FAT2: variants seen among roughly 807,000 people sequenced by gnomAD.
FAT2 encodes FAT atypical cadherin 2.
A neutral mutation model predicts 295.3 loss-of-function variants in FAT2; 150 were observed. The observed-to-expected ratio is 0.51, with a 90% CI of 0.44 to 0.58. The LOEUF (loss-of-function observed/expected upper bound fraction) is 0.58, where lower values mean the gene tolerates loss of function less well. FAT2 is among the 20% of genes least tolerant of loss of function. The pLI is 0.00. For missense variants in FAT2, 4,868 were observed against 5,442.7 expected (o/e 0.89, Z 3.32); for synonymous variants, 2,026 against 2,150.3 (o/e 0.94, Z 1.60).
chr5:151,537,925 G>T lies in FAT2; in HGVS notation c.9061C>A (p.His3021Asn). The T allele has an allele frequency of 6.2e-7, 1 of 1,614,140 alleles. No homozygotes were observed. Among genetic ancestry groups the T allele is most frequent in the Non-Finnish European group, 8.5e-7 (1 of 1,180,000 alleles). ...AAGTGTCCTGGAAATACATCTTCATGAACCTTGCCAGTATAGAGAAGCTAG... is the reference window on the plus strand; with the variant it reads ...AAGTGTCCTGGAAATACATCTTCATTAACCTTGCCAGTATAGAGAAGCTAG... ...CSQLLYTGKV[H>N]EDVFPGHFIL... Residue 3021 changes from histidine to asparagine, a missense_variant, in exon 12 of 24, where the codon CAT becomes AAT. His to Asn is a moderately conservative substitution (Grantham distance 68, BLOSUM62 1). Transcript: ENST00000261800.
In FAT2 at chr5:151,545,255, A is replaced by G; in HGVS notation, c.5872T>C (p.Leu1958=). The change falls in exon 10 of 24, where the codon TTG becomes CTG. Residue 1958 remains leucine, a synonymous_variant. Coordinates refer to ENST00000261800, the MANE Select transcript of FAT2 (RefSeq NM_001447.3). The stretch of plus-strand genomic sequence containing the variant: ...AAGCTTTTGTCAAGCACTTGGGTCA[A>G]AGAAATTTTTACCAGCGCAGTGTCT... ...YQDTALVKIS[L]TQVLDKSLQF... 1 of 1,614,142 alleles carries G rather than the reference A, an allele frequency of 6.2e-7. No individual in the cohort carries two copies. The highest frequency in any genetic ancestry group is 8.5e-7 in the Non-Finnish European group (1 of 1,180,018).
At chr5:151,571,380 G>A (rs969852822) in intron 1 of FAT2, among the ~76,000 whole-genome samples, 7 of 152,182 alleles carry the variant, frequency 4.6e-5, no homozygotes, top group Admixed American at 3.9e-4. Context: ...CAGGGTGCAC[G>A]CAGCCTCCCA....
At position 151,506,079 on chromosome 5, in the gene FAT2, A is replaced by G. The variant is rs771234278; in HGVS notation, c.12536T>C (p.Met4179Thr). 14 of 1,525,648 alleles carry G rather than the reference A, an allele frequency of 9.2e-6. No individual in the cohort carries two copies. The Admixed American group carries it at 1.3e-4, about 14-fold the overall frequency. 94.5% of individuals were successfully genotyped at this position (1,525,648 alleles called of 1,614,324 possible). A position where few individuals can be genotyped will look rare whatever the true frequency, so the allele number is the denominator to read the frequency against. ...SEEMVYPGGAMVWPPTYSRNE... is the reference protein window; with the variant it reads ...SEEMVYPGGATVWPPTYSRNE... ...CCTGGAGTAAGTAGGGGGCCAGACC[A>G]TGGCTCCGCCAGGGTACACTGAAAG... The change falls in exon 24 of 24, where the codon ATG becomes ACG. Residue 4179 changes from methionine (M) to threonine (T), a missense_variant. Around this residue, in one of 5 missense-constraint regions of FAT2, gnomAD observed 492 missense variants for 482.6 expected, o/e 1.02. Transcript: ENST00000261800.
rs1755025460 is a variant in FAT2 at position 151,534,567 on chromosome 5, C to T, written c.9269G>A (p.Gly3090Glu). 8 of 1,614,144 alleles carry T rather than the reference C, an allele frequency of 5.0e-6. No homozygotes were observed. In the East Asian group the frequency reaches 1.6e-4, roughly 31 times the overall value. Residue 3090 changes from glycine to glutamate, a missense_variant, in exon 13 of 24, where the codon GGA becomes GAA. Gly to Glu is a moderately conservative substitution (Grantham distance 98). Around this residue, in one of 5 missense-constraint regions of FAT2, gnomAD observed 1,046 missense variants for 1,210.1 expected, o/e 0.86. Coordinates refer to ENST00000261800, the MANE Select transcript of FAT2 (RefSeq NM_001447.3). ...GTCTGCCTGGCACGATCGGCCACCTCCATCCGTCGCCTTGGCAACAAGGTT... is the reference window on the plus strand; with the variant it reads ...GTCTGCCTGGCACGATCGGCCACCTTCATCCGTCGCCTTGGCAACAAGGTT... ...VFNLVAKATD[G>E]GGRSCQADIT...
chr5:151,579,443 G>C (rs1758862938), intron 1 of FAT2, among the ~76,000 whole-genome samples: 1 of 152,054 alleles, frequency 6.6e-6, no homozygotes, highest in South Asian at 2.1e-4. Context: ...GTGGTGATTT[G>C]CATCTGTAAT....
At chr5:151,556,322 T>C (rs752109222) in intron 4 of FAT2, 22 bp downstream of exon 4, 2 of 1,609,048 alleles carry the variant, frequency 1.2e-6, no homozygotes, top group Non-Finnish European at 1.7e-6. Flanking sequence ...TCACCACAAA[T>C]GGATTCACCA....
intron 19 of FAT2, among the ~76,000 whole-genome samples, chr5:151,518,368 A>ATTAGTATTATTATT (rs775348701): frequency 1.2e-5 from 1 of 82,382 alleles, no homozygotes; most frequent in Non-Finnish European, 2.9e-5. Context: ...TAATAATAAT[A>ATTAGTATTATTATT]ATAATAATTT....
intron 1 of FAT2, among the ~76,000 whole-genome samples, chr5:151,572,020 A>C (rs1432865): frequency 1.3e-5 from 2 of 152,062 alleles, no homozygotes; most frequent in South Asian, 4.1e-4. Flanking sequence ...CACATGAATA[A>C]TTCCTTCTTG....
intron 18 of FAT2, among the ~76,000 whole-genome samples, chr5:151,522,742 C>G (rs1406436163): frequency 6.6e-6 from 1 of 152,134 alleles, no homozygotes; most frequent in East Asian, 1.9e-4. Context: ...AGGCGACAGA[C>G]AGAGGGAGCA....
At position 151,505,280 on chromosome 5, in the gene FAT2, C is replaced by T. The variant is rs1760749739; in HGVS notation, c.*285G>A. ...CAGATCAGGGAGCCCTCCTGTCTCT[C>T]GCCCACCCCGGGAGTCAATTGTTCC... On this transcript the variant is annotated 3_prime_UTR_variant, in exon 24 of 24. Transcript: ENST00000261800. 3 of 481,640 alleles carry T rather than the reference C, an allele frequency of 6.2e-6. No individual in the cohort carries two copies. Among genetic ancestry groups the T allele is most frequent in the East Asian group, 3.9e-5 (1 of 25,518 alleles). The allele number at this position is 481,640 out of a possible 1,614,324, so 29.8% of individuals were successfully genotyped here.
intron 13 of FAT2, 76 bp from the exon 14 acceptor site, chr5:151,532,046 A>C: frequency 6.4e-7 from 1 of 1,556,666 alleles, no homozygotes; most frequent in Non-Finnish European, 8.7e-7. Flanking sequence ...CCCTGCAGCC[A>C]CAGGAGGGGC....
At chr5:151,559,935 C>T (rs1446825576) in intron 3 of FAT2, among the ~76,000 whole-genome samples, 1 of 152,198 alleles carries the variant, frequency 6.6e-6, no homozygotes, top group East Asian at 1.9e-4. Context: ...ACCCCTCTCA[C>T]CCTTCCTGGA....
At chr5:151,564,989 C>T (rs1006205876) in intron 2 of FAT2, among the ~76,000 whole-genome samples, 3 of 152,102 alleles carry the variant, frequency 2.0e-5, no homozygotes, top group East Asian at 1.9e-4. Context: ...GCAGGAGAAT[C>T]GCTTGAACTC....
In FAT2 at chr5:151,505,750, A is replaced by G. The variant is rs1760795456; in HGVS notation, c.12865T>C (p.Cys4289Arg). 9 of 1,613,572 alleles carry G rather than the reference A, an allele frequency of 5.6e-6. No homozygotes were observed. In the South Asian group the frequency reaches 9.9e-5, roughly 18 times the overall value. Residue 4289 changes from cysteine to arginine, a missense_variant, in exon 24 of 24, where the codon TGC (cysteine) becomes CGC (arginine). By Grantham distance (180) the Cys-to-Arg change is radical (BLOSUM62 -3). Transcript: ENST00000261800. ...CCCTTGTAGCCCCCGTCTGCCAGGC[A>G]GGGCCCTCCCCCTCCCTGCCGGAAC... The part of the protein sequence containing the change: ...SQFRQGGGGP[C>R]LADGGYKGVG...
intron 9 of FAT2, among the ~76,000 whole-genome samples, chr5:151,548,964 C>A (rs1333862312): frequency 2.0e-5 from 3 of 152,134 alleles, no homozygotes; most frequent in Non-Finnish European, 4.4e-5. Flanking sequence ...ATAAAGTGTT[C>A]TAAGATACAT....
At position 151,512,150 on chromosome 5, in the gene FAT2, C is replaced by A; in HGVS notation, c.11905+15G>T. Reference sequence around the variant, plus strand: ...GGGATAAACCCTGGGTTCAGCCTGGCACCCCAGCCCTCACCTGCCCCATGG... The same window carrying A: ...GGGATAAACCCTGGGTTCAGCCTGGAACCCCAGCCCTCACCTGCCCCATGG... On this transcript the variant is annotated intron_variant, in intron 21 of 23. Transcript: ENST00000261800. This position sits in a 1 kb window ranked among gnomAD's most constrained non-coding sequence, Gnocchi z 4.1. 6.2e-7 allele frequency: 1 copy of A among 1,603,580 alleles called. No individual in the cohort carries two copies. The highest frequency in any genetic ancestry group is 8.5e-7 in the Non-Finnish European group (1 of 1,171,928).
In FAT2 at chr5:151,544,251, G is replaced by A. The variant is rs1170781075; in HGVS notation, c.6876C>T (p.Ile2292=). 2 of 1,614,234 alleles carry A rather than the reference G, an allele frequency of 1.2e-6. No homozygotes were observed. Among genetic ancestry groups the A allele is most frequent in the South Asian group, 1.1e-5 (1 of 91,086 alleles). ...AGTCCTGGTCAGAAGCCAACAGTTG[G>A]ATCACAGGGGTCTGAGCAGGCAAGC... is the stretch of plus-strand genomic sequence containing the variant. ...SEGLPAQTPV[I]QLLASDQDSG... The change falls in exon 10 of 24, where the codon ATC becomes ATT. Residue 2292 remains isoleucine, a synonymous_variant. Transcript: ENST00000261800.
intron 6 of FAT2, 68 bp from the exon 7 acceptor site, chr5:151,551,674 T>C (rs1353642027): frequency 6.4e-7 from 1 of 1,567,614 alleles, no homozygotes; most frequent in East Asian, 2.2e-5. Flanking sequence ...TAAGATAGGC[T>C]TTGGTTGTCA....
chr5:151,519,238 C>A (rs944912709), intron 19 of FAT2, among the ~76,000 whole-genome samples: 1 of 152,126 alleles, frequency 6.6e-6, no homozygotes, highest in African/African-American at 2.4e-5. Flanking sequence ...CAGCTACTCA[C>A]GAGGCTGAGG....
Sources: allele counts gnomAD v4.1 joint callset (sites outside exome capture counted in the v4.1 genomes callset), GRCh38; gene constraint gnomAD v4.1.1; regional missense constraint gnomAD v4.1.1; non-coding constraint Gnocchi (gnomAD v3.1); transcripts MANE v1.5; gene names NCBI Gene and HGNC (gene_info 2026-07-23, HGNC 2026-07-21).